The following SMC6 variants were observed in gnomAD, a reference collection of about 807,000 sequenced individuals.
SMC6 encodes the protein structural maintenance of chromosomes 6, also known as structural maintenance of chromosomes protein 6.
SMC6 carries 79 observed loss-of-function variants against 142.2 expected under a neutral mutation model. The ratio of observed to expected loss-of-function variants is 0.56; its 90% CI spans 0.46 to 0.67. The LOEUF (loss-of-function observed/expected upper bound fraction) is 0.67. Among genes scored for constraint, SMC6 ranks in the 30% least tolerant of loss-of-function variants. The pLI, the probability that SMC6 is intolerant of heterozygous loss-of-function variation, is 0.00. For synonymous variants in SMC6, 411 were observed against 412.4 expected (o/e 1.00, Z 0.04); for missense variants, 1,072 against 1,284.0 (o/e 0.83, Z 2.52).
intron 25 of SMC6, among the ~76,000 whole-genome samples, chr2:17,674,030 T>C (rs188718200): frequency 6.6e-6 from 1 of 152,306 alleles, no homozygotes; most frequent in Admixed American, 6.5e-5. Flanking sequence ...TATTGTTTCA[T>C]TGCTATTGTA....
At chr2:17,735,892 T>A (rs561309672) in intron 5 of SMC6, among the ~76,000 whole-genome samples, 99 of 152,244 alleles carry the variant, frequency 6.5e-4, no homozygotes, top group Non-Finnish European at 1.2e-3. Flanking sequence ...GAGTCACAAA[T>A]GGCGAGTATA....
chr2:17,701,182 T>G (rs562601222), intron 20 of SMC6, among the ~76,000 whole-genome samples: 43 of 151,964 alleles, frequency 2.8e-4, no homozygotes, highest in African/African-American at 1.0e-3. Flanking sequence ...AAAGCTTCAC[T>G]AGCACTGAGA....
chr2:17,703,052 A>G (rs1382753008), intron 19 of SMC6, 105 bp downstream of exon 19: 1 of 706,556 alleles, frequency 1.4e-6, no homozygotes, highest in Non-Finnish European at 2.2e-6. Context: ...GCTTGAGGCC[A>G]AAAGGTTTGA....
chr2:17,705,525 G>A (rs1010538532), intron 18 of SMC6, among the ~76,000 whole-genome samples: 10 of 149,976 alleles, frequency 6.7e-5, no homozygotes, highest in African/African-American at 2.5e-4. Flanking sequence ...CCAAGATCCT[G>A]CCACTGCACT....
At position 17,741,737 on chromosome 2, in the gene SMC6, T is replaced by G; in HGVS notation, c.121-8A>C. The G allele has an allele frequency of 6.4e-7, 1 of 1,558,584 alleles. No individual in the cohort carries two copies. ...TCCAACTTCTGCTGCAGTCTATTAA[T>G]AAAAAACAATGGGAGAAAATGGTCA... On this transcript the variant is annotated splice_polypyrimidine_tract_variant and splice_region_variant and intron_variant, in intron 3 of 27. Coordinates refer to ENST00000448223, the MANE Select transcript of SMC6 (RefSeq NM_001142286.2).
At chr2:17,692,240 G>A (rs534973849) in intron 23 of SMC6, among the ~76,000 whole-genome samples, 16 of 152,158 alleles carry the variant, frequency 1.1e-4, no homozygotes, top group East Asian at 9.7e-4. Flanking sequence ...AAGAGCCCGC[G>A]TTGCCAAGTC....
rs1220782032 is a variant in SMC6 at position 17,731,753 on chromosome 2, T to G, written c.469A>C (p.Lys157Gln). Residue 157 changes from lysine (K) to glutamine (Q), a missense_variant, in exon 6 of 28, where the codon AAA becomes CAA. Physicochemically the swap from Lys to Gln is moderately conservative, Grantham distance 53. Around this residue, in one of 3 missense-constraint regions of SMC6, gnomAD observed 994 missense variants for 1,153.2 expected, o/e 0.86. Transcript: ENST00000448223. ...SIDGSRSYKL[K>Q]SATGSVVSTR... The stretch of plus-strand genomic sequence containing the variant: ...AATCAAAACAAACCTGTTGCACTTT[T>G]AAGTTTATAAGATCGACTTCCATCT... 2.5e-6 allele frequency: 4 copies of G among 1,611,948 alleles called. No individual in the cohort carries two copies. Among genetic ancestry groups the G allele is most frequent in the Non-Finnish European group, 3.4e-6 (4 of 1,179,328 alleles).
intron 11 of SMC6, among the ~76,000 whole-genome samples, chr2:17,719,356 TAATCAAGCACACAC>T (rs1455428384): frequency 6.6e-6 from 1 of 152,200 alleles, no homozygotes; most frequent in Non-Finnish European, 1.5e-5. Flanking sequence ...CTACAAGCAA[TAATCAAGCACACAC>T]AATGTGAAAG....
intron 9 of SMC6, among the ~76,000 whole-genome samples, chr2:17,725,052 T>A (rs1159665363): frequency 6.6e-6 from 1 of 152,186 alleles, no homozygotes; most frequent in Non-Finnish European, 1.5e-5. Context: ...GTAAGACATG[T>A]ACACAGTCAT....
intron 18 of SMC6, among the ~76,000 whole-genome samples, chr2:17,705,054 C>T (rs1165394140): frequency 1.3e-5 from 2 of 151,124 alleles, no homozygotes; most frequent in East Asian, 1.9e-4. Context: ...GTCAGGAGTT[C>T]GAGACCAGCC....
At chr2:17,719,389 T>A (rs996750105) in intron 11 of SMC6, among the ~76,000 whole-genome samples, 5 of 152,210 alleles carry the variant, frequency 3.3e-5, no homozygotes, top group African/African-American at 1.2e-4. Flanking sequence ...AGGCTTTATG[T>A]AAGACAAGGT....
At chr2:17,679,403 A>T (rs1416853198) in intron 24 of SMC6, 1 of 153,214 alleles carries the variant, frequency 6.5e-6, no homozygotes, top group Non-Finnish European at 1.5e-5. Flanking sequence ...CTAACTTCAC[A>T]GTAGCAAAAA....
At chr2:17,716,007 G>T in intron 15 of SMC6, 79 bp downstream of exon 15, 2 of 1,171,736 alleles carry the variant, frequency 1.7e-6, no homozygotes, top group Non-Finnish European at 2.3e-6. Context: ...ATTTTATTTC[G>T]AAAACTTCAT....
chr2:17,741,491 CA>C (rs1288040322), intron 4 of SMC6, 120 bp downstream of exon 4: 1 of 617,776 alleles, frequency 1.6e-6, no homozygotes, highest in Non-Finnish European at 2.8e-6. Context: ...TTCATAACCA[CA>C]AGTTATACAT....
intron 16 of SMC6, chr2:17,713,377 A>G: frequency 2.3e-6 from 1 of 437,308 alleles, no homozygotes; most frequent in Non-Finnish European, 4.7e-6. Context: ...CTCAGCACAT[A>G]AACTCACCTA....
chr2:17,725,382 C>A (rs188177002), intron 8 of SMC6, 24 bp from the exon 9 acceptor site: 8 of 1,488,252 alleles, frequency 5.4e-6, no homozygotes, highest in African/African-American at 4.3e-5. Context: ...CAAAAAAAAA[C>A]GCAATTAGGA....
At chr2:17,738,101 C>A in intron 5 of SMC6, 120 bp downstream of exon 5, 1 of 674,606 alleles carries the variant, frequency 1.5e-6, no homozygotes, top group South Asian at 2.0e-5. Flanking sequence ...AAATAGGACA[C>A]CTCTGCTCCT....
chr2:17,744,894 T>C (rs188942317), intron 3 of SMC6, among the ~76,000 whole-genome samples: 133 of 152,336 alleles, frequency 8.7e-4, no homozygotes, highest in African/African-American at 3.0e-3. Context: ...GATTTTTGGA[T>C]ACCAAATCAG....
intron 24 of SMC6, 100 bp from the exon 25 acceptor site, chr2:17,679,064 T>C (rs1667128269): frequency 2.8e-6 from 2 of 720,176 alleles, no homozygotes; most frequent in South Asian, 2.3e-5. Context: ...GATGGAAATA[T>C]GCCAAAATGT....
Sources: allele counts gnomAD v4.1 joint callset (sites outside exome capture counted in the v4.1 genomes callset), GRCh38; gene constraint gnomAD v4.1.1; regional missense constraint gnomAD v4.1.1; transcripts MANE v1.5; gene names NCBI Gene and HGNC (gene_info 2026-07-23, HGNC 2026-07-21).